Variants in DIDO1 observed in about 807,000 individuals in gnomAD.
The protein encoded by DIDO1 is death inducer-obliterator 1.
In DIDO1, 16 loss-of-function variants were observed where a neutral mutation model predicts 99.4. The ratio of observed to expected loss-of-function variants is 0.16; its 90% CI spans 0.11 to 0.24. The LOEUF (loss-of-function observed/expected upper bound fraction) is 0.24, where lower values mean the gene tolerates loss of function less well. Ranked by LOEUF, DIDO1 falls within the 10% of genes least tolerant of loss-of-function variation. The pLI, the probability that DIDO1 is intolerant of heterozygous loss-of-function variation, is 1.00. For synonymous variants in DIDO1, 1,366 were observed against 1,239.1 expected, an observed-to-expected ratio of 1.10 and a Z score of -2.15; for missense variants, 2,996 against 3,014.0, an observed-to-expected ratio of 0.99 and a Z score of 0.14.
At chr20:62,936,648 G>C (rs2065388698) in intron 1 of DIDO1, among the ~76,000 whole-genome samples, 1 of 152,152 alleles carries the variant, frequency 6.6e-6, no homozygotes, top group African/African-American at 2.4e-5. Context: ...GGCGGATCAC[G>C]AGGTCAAGAC....
Position 62,902,072 on chromosome 20 carries a change from T to A in DIDO1, c.1588+3815A>T, listed in dbSNP as rs184354221. ...GGACCGATCCTGCTGGAAACTTCCA[T>A]CCCTGCACCCCACCTGCCCAAGGTG... On this transcript the variant is annotated intron_variant, in intron 6 of 15. Transcript: ENST00000395343. Among the ~76,000 whole-genome samples the A allele has an allele frequency of 5.9e-5, 9 of 152,150 alleles. No homozygotes were observed. In the East Asian group the frequency reaches 1.7e-3, roughly 30 times the overall value.
Position 62,899,643 on chromosome 20 carries a change from C to T in DIDO1, c.1589-2647G>A, listed in dbSNP as rs80348024. ...AAAAGCAGGAAATAGCTTTCCTTAA[C>T]CATTGCTATTTTAGAAAATTAACTG... On this transcript the variant is annotated intron_variant, in intron 6 of 15. Coordinates refer to ENST00000395343, the MANE Select transcript of DIDO1 (RefSeq NM_001193369.2). Among the ~76,000 whole-genome samples, 424 of 152,286 alleles carry T rather than the reference C, an allele frequency of 2.8e-3. 13 individuals are homozygous for T. In the East Asian group the frequency reaches 0.053, roughly 19 times the overall value.
Position 62,879,543 on chromosome 20 carries a change from T to A in DIDO1, c.6413A>T (p.His2138Leu). 6.2e-7 allele frequency: 1 copy of A among 1,600,286 alleles called. No individual in the cohort carries two copies. Among genetic ancestry groups the A allele is most frequent in the South Asian group, 1.1e-5 (1 of 91,038 alleles). The part of the protein sequence containing the change: ...DWDRPREWDR[H>L]RDKDSSRDWD... ...GTCCCGGCTGGAGTCCTTGTCCCGG[T>A]GTCGGTCCCACTCCCGGGGCCGGTC... The change falls in exon 16 of 16, where the codon CAC becomes CTC. Residue 2138 changes from histidine to leucine, a missense_variant. This residue lies in a region of DIDO1 where 1,562 missense variants were observed against 1,412.6 expected (regional missense o/e 1.11). Coordinates refer to ENST00000395343, the MANE Select transcript of DIDO1 (RefSeq NM_001193369.2). This position sits in a 1 kb window ranked among gnomAD's most constrained non-coding sequence, Gnocchi z 6.3.
In DIDO1 at chr20:62,911,810, A is replaced by G. The variant is rs556129873; in HGVS notation, c.-2-196T>C. On this transcript the variant is annotated intron_variant, in intron 2 of 15. Transcript: ENST00000395343. This position sits in a 1 kb window ranked among gnomAD's most constrained non-coding sequence, Gnocchi z 7.0. ...TGATTTGTAAAGATAATTTTAATAT[A>G]GTTAAACAACTAACGTTTAGACAAA... Among the ~76,000 whole-genome samples, 5 of 152,384 alleles carry G rather than the reference A, an allele frequency of 3.3e-5. No individual in the cohort carries two copies. The East Asian group carries it at 9.6e-4, about 29-fold the overall frequency.
In DIDO1 at chr20:62,881,536, C is replaced by G. The variant is rs1311903127; in HGVS notation, c.4420G>C (p.Glu1474Gln). 3 of 1,611,740 alleles carry G rather than the reference C, an allele frequency of 1.9e-6. No homozygotes were observed. Among genetic ancestry groups the G allele is most frequent in the African/African-American group, 1.3e-5 (1 of 75,070 alleles). ...VAGAATPSLV[E>Q]QQKMLEELNK... ...AGCTCTTCTAGCATCTTCTGTTGCTCCACCAGGGAGGGCGTCGCAGCCCCG... is the reference window on the plus strand; with the variant it reads ...AGCTCTTCTAGCATCTTCTGTTGCTGCACCAGGGAGGGCGTCGCAGCCCCG... Residue 1474 changes from glutamate (E) to glutamine (Q), a missense_variant, in exon 16 of 16, where the codon GAG becomes CAG. Transcript: ENST00000395343. This position sits in a 1 kb window ranked among gnomAD's most constrained non-coding sequence, Gnocchi z 8.3.
chr20:62,926,286 C>T (rs1202845590), intron 1 of DIDO1, 153 bp downstream of exon 1: 1 of 151,628 alleles, frequency 6.6e-6, no homozygotes, highest in Non-Finnish European at 1.5e-5. Flanking sequence ...TCCTTCCCTT[C>T]CGCGGCCGCC....
intron 1 of DIDO1, among the ~76,000 whole-genome samples, chr20:62,918,921 A>T (rs2065085938): frequency 6.6e-6 from 1 of 152,166 alleles, no homozygotes; most frequent in Admixed American, 6.5e-5. Flanking sequence ...AAGACTCTTG[A>T]TAGCTCAGTT....
chr20:62,904,903 A>G, intron 6 of DIDO1: 3 of 853,088 alleles, frequency 3.5e-6, no homozygotes, highest in Non-Finnish European at 4.2e-6. Context: ...TGACGACGGG[A>G]AAGTGGGGCA....
At chr20:62,907,009 G>A in intron 5 of DIDO1, 138 bp downstream of exon 5, 1 of 833,694 alleles carries the variant, frequency 1.2e-6, no homozygotes, top group South Asian at 1.6e-5. Flanking sequence ...GAAGGTGGAA[G>A]ACAAAGGTCA....
chr20:62,900,415 C>T (rs946474347), intron 6 of DIDO1, among the ~76,000 whole-genome samples: 5 of 152,214 alleles, frequency 3.3e-5, no homozygotes, highest in East Asian at 1.9e-4. Context: ...GGTGCTACAG[C>T]GCCTCTGGCC....
intron 4 of DIDO1, 53 bp from the exon 5 acceptor site, chr20:62,907,412 T>C (rs940289289): frequency 1.3e-6 from 2 of 1,566,264 alleles, no homozygotes; most frequent in Admixed American, 3.5e-5. Flanking sequence ...TTTTAAGCAG[T>C]TAAGTGTGTG....
rs112956793 is a variant in DIDO1 at position 62,881,185 on chromosome 20, G to A, written c.4771C>T (p.Pro1591Ser). Residue 1591 changes from proline to serine, a missense_variant, in exon 16 of 16, where the codon CCC (proline) becomes TCC (serine). Transcript: ENST00000395343. This position sits in a 1 kb window ranked among gnomAD's most constrained non-coding sequence, Gnocchi z 8.3. ...CCACCCCTGGAAGCATCTCTCTCGG[G>A]CAGGGCACCCTGGGCACCACGTGCC... ...LSARGAQGAL[P>S]ERDASRGGLV... The A allele has an allele frequency of 4.9e-5, 79 of 1,608,096 alleles. No individual in the cohort carries two copies. The African/African-American group carries it at 9.5e-4, about 19-fold the overall frequency.
intron 4 of DIDO1, 94 bp from the exon 5 acceptor site, chr20:62,907,453 GC>G: frequency 8.3e-7 from 1 of 1,203,984 alleles, no homozygotes. Context: ...TAGTACCAAG[GC>G]CACAGTTTCA....
chr20:62,893,984 T>G lies in DIDO1; in HGVS notation c.2783A>C (p.Tyr928Ser). 6.2e-7 allele frequency: 1 copy of G among 1,613,956 alleles called. No individual in the cohort carries two copies. Among genetic ancestry groups the G allele is most frequent in the Non-Finnish European group, 8.5e-7 (1 of 1,179,902 alleles). The part of the protein sequence containing the change: ...SASHPNVDRT[Y>S]FPGPPGDGHP... ...GCCATCTCCTGGAGGCCCAGGGAAA[T>G]ACGTTCTGTCCACATTTGGATGAGA... The change falls in exon 12 of 16, where the codon TAT (tyrosine) becomes TCT (serine). Residue 928 changes from tyrosine (Y) to serine (S), a missense_variant. By Grantham distance (144) the Tyr-to-Ser change is moderately radical. This residue lies in a region of DIDO1 where 898 missense variants were observed against 972.7 expected (regional missense o/e 0.92). Transcript: ENST00000395343.
upstream of DIDO1, among the ~76,000 whole-genome samples, chr20:62,929,708 T>TATATATAC (rs1235083855): frequency 1.1e-4 from 14 of 132,624 alleles, 1 homozygote; most frequent in African/African-American, 4.5e-4. Flanking sequence ...TATATATATA[T>TATATATAC]ATATGCCTAC....
chr20:62,903,953 G>C (rs2064743540), intron 6 of DIDO1, among the ~76,000 whole-genome samples: 1 of 152,154 alleles, frequency 6.6e-6, no homozygotes, highest in Non-Finnish European at 1.5e-5. Flanking sequence ...AGGCAGGCAG[G>C]AAGCAATAAC....
chr20:62,925,763 G>A (rs552807337), intron 1 of DIDO1, among the ~76,000 whole-genome samples: 203 of 152,332 alleles, frequency 1.3e-3, no homozygotes, highest in African/African-American at 4.7e-3. Flanking sequence ...GGCTTCCGGG[G>A]TCACTGGAAG....
rs759656054 is a variant in DIDO1 at position 62,910,949 on chromosome 20, C to A, written c.664G>T (p.Asp222Tyr). Reference protein sequence around the residue: ...VLPSKQEPENDQGVVSQAGKD... With the variant: ...VLPSKQEPENYQGVVSQAGKD... Reference sequence around the variant, plus strand: ...CCAGCCTGGGACACAACCCCCTGATCGTTCTCGGGCTCCTGCTTACTGGGC... The same window carrying A: ...CCAGCCTGGGACACAACCCCCTGATAGTTCTCGGGCTCCTGCTTACTGGGC... The change falls in exon 3 of 16, where the codon GAT becomes TAT. Residue 222 changes from aspartate to tyrosine, a missense_variant. This residue lies in a region of DIDO1 where 388 missense variants were observed against 376.6 expected (regional missense o/e 1.03). Coordinates refer to ENST00000395343, the MANE Select transcript of DIDO1 (RefSeq NM_001193369.2). 3 of 1,614,178 alleles carry A rather than the reference C, an allele frequency of 1.9e-6. No individual in the cohort carries two copies. Among genetic ancestry groups the A allele is most frequent in the Non-Finnish European group, 2.5e-6 (3 of 1,180,038 alleles).
At position 62,903,950 on chromosome 20, in the gene DIDO1, C is replaced by T. The variant is rs568854525; in HGVS notation, c.1588+1937G>A. On this transcript the variant is annotated intron_variant, in intron 6 of 15. Coordinates refer to ENST00000395343, the MANE Select transcript of DIDO1 (RefSeq NM_001193369.2). Reference sequence around the variant, plus strand: ...CCCCGCTCACAGTGCAGGAGGCAGGCAGGAAGCAATAACCCAGGGCTGAGA... The same window carrying T: ...CCCCGCTCACAGTGCAGGAGGCAGGTAGGAAGCAATAACCCAGGGCTGAGA... Among the ~76,000 whole-genome samples the T allele has an allele frequency of 2.0e-5, 3 of 152,296 alleles. No individual in the cohort carries two copies. In the South Asian group the frequency reaches 6.2e-4, roughly 32 times the overall value.
Sources: allele counts gnomAD v4.1 joint callset (sites outside exome capture counted in the v4.1 genomes callset), GRCh38; gene constraint gnomAD v4.1.1; regional missense constraint gnomAD v4.1.1; non-coding constraint Gnocchi (gnomAD v3.1); transcripts MANE v1.5; gene names NCBI Gene and HGNC (gene_info 2026-07-23, HGNC 2026-07-21).